INPP4B: variants seen among roughly 807,000 people sequenced by gnomAD.
INPP4B encodes inositol polyphosphate 4-phosphatase type II.
In INPP4B, 55 loss-of-function variants were observed where a neutral mutation model predicts 122.5. That is an observed-to-expected ratio of 0.45 (90% CI 0.36 to 0.56). The LOEUF (loss-of-function observed/expected upper bound fraction) is 0.56. Ranked by LOEUF, INPP4B falls within the 20% of genes least tolerant of loss-of-function variation. The pLI is 0.00. For missense variants in INPP4B, 1,000 were observed against 1,097.7 expected, an observed-to-expected ratio of 0.91 and a Z score of 1.26; for synonymous variants, 403 against 388.7, an observed-to-expected ratio of 1.04 and a Z score of -0.43.
intron 25 of INPP4B, among the ~76,000 whole-genome samples, chr4:142,067,067 C>G (rs928345466): frequency 6.6e-6 from 1 of 152,188 alleles, no homozygotes; most frequent in Non-Finnish European, 1.5e-5. Context: ...CTGGGAGACA[C>G]CTCCCAGTAG....
intron 2 of INPP4B, among the ~76,000 whole-genome samples, chr4:142,483,119 G>A (rs1003580899): frequency 7.1e-6 from 1 of 140,470 alleles, no homozygotes; most frequent in African/African-American, 2.7e-5. Flanking sequence ...TGTCCCCAGT[G>A]ATACAAAAAT....
chr4:142,796,867 GAT>G (rs199741935), intron 1 of INPP4B, among the ~76,000 whole-genome samples: 37,016 of 128,710 alleles, frequency 0.29, 4,941 homozygotes, highest in South Asian at 0.4. Flanking sequence ...GCGGAAAACA[GAT>G]GTGTGTGTGT....
At chr4:142,364,265 T>A (rs1361551713) in intron 7 of INPP4B, among the ~76,000 whole-genome samples, 1 of 152,032 alleles carries the variant, frequency 6.6e-6, no homozygotes, top group Admixed American at 6.6e-5. Flanking sequence ...CAGAGCTTTC[T>A]AAGACAGCTG....
chr4:142,288,733 C>T (rs1479095583), intron 9 of INPP4B, among the ~76,000 whole-genome samples: 1 of 152,022 alleles, frequency 6.6e-6, no homozygotes, highest in Non-Finnish European at 1.5e-5. Context: ...TGAAACATAA[C>T]AGCGATATAG....
At chr4:142,127,404 AT>A (rs1170450732) in intron 18 of INPP4B, among the ~76,000 whole-genome samples, 12 of 152,098 alleles carry the variant, frequency 7.9e-5, no homozygotes, top group African/African-American at 2.7e-4. Context: ...TAGTTGCTTT[AT>A]TCACTTCCAT....
chr4:142,224,172 A>C (rs944781592), intron 12 of INPP4B, among the ~76,000 whole-genome samples: 1 of 152,202 alleles, frequency 6.6e-6, no homozygotes, highest in Non-Finnish European at 1.5e-5. Context: ...GGCCAAGTGA[A>C]GGGGAACCCT....
At chr4:142,314,670 G>T (rs966935774) in intron 8 of INPP4B, 42 bp downstream of exon 8, 1 of 1,566,684 alleles carries the variant, frequency 6.4e-7, no homozygotes, top group Non-Finnish European at 8.7e-7. Context: ...GATTAATTTA[G>T]AAGTGATGTG....
At chr4:142,706,014 T>C (rs1357149058) in intron 2 of INPP4B, among the ~76,000 whole-genome samples, 1 of 152,216 alleles carries the variant, frequency 6.6e-6, no homozygotes, top group Non-Finnish European at 1.5e-5. Context: ...CACCAGCTCC[T>C]TCATGGCCTG....
intron 2 of INPP4B, among the ~76,000 whole-genome samples, chr4:142,614,716 A>G (rs895360083): frequency 7.2e-4 from 109 of 152,292 alleles, no homozygotes; most frequent in African/African-American, 2.5e-3. Flanking sequence ...ACCACATTAA[A>G]AAGTAGACAA....
chr4:142,164,164 A>G (rs192334400), intron 16 of INPP4B, among the ~76,000 whole-genome samples: 32 of 152,010 alleles, frequency 2.1e-4, no homozygotes, highest in African/African-American at 7.0e-4. Flanking sequence ...CAAGTATAAA[A>G]CTACTAAAAA....
At chr4:142,152,061 C>A (rs1331011936) in intron 17 of INPP4B, among the ~76,000 whole-genome samples, 11 of 98,950 alleles carry the variant, frequency 1.1e-4, no homozygotes, top group African/African-American at 3.8e-4. Flanking sequence ...GCTTTTTTGT[C>A]TTTTCTTTTT....
intron 14 of INPP4B, among the ~76,000 whole-genome samples, chr4:142,206,790 C>T (rs576784174): frequency 1.2e-4 from 18 of 152,098 alleles, no homozygotes; most frequent in Admixed American, 3.3e-4. Context: ...TTATTATTAA[C>T]GTGTATGTGT....
chr4:142,082,062 A>T lies in INPP4B; in HGVS notation c.2611T>A (p.Phe871Ile). Residue 871 changes from phenylalanine (F) to isoleucine (I), a missense_variant, in exon 25 of 26, where the codon TTC becomes ATC. Transcript: ENST00000262992. ...LRDEHQLHKDFFIRALDCMRR... is the reference protein window; with the variant it reads ...LRDEHQLHKDIFIRALDCMRR... Reference sequence around the variant, plus strand: ...ATGCAATCCAGCGCTCGGATAAAGAAGTCCTTGTGTAACTGGTGCTCATCT... The same window carrying T: ...ATGCAATCCAGCGCTCGGATAAAGATGTCCTTGTGTAACTGGTGCTCATCT... 6.8e-7 allele frequency: 1 copy of T among 1,474,726 alleles called. No individual in the cohort carries two copies. Among genetic ancestry groups the T allele is most frequent in the Non-Finnish European group, 9.2e-7 (1 of 1,087,906 alleles). 91.4% of individuals were successfully genotyped at this position (1,474,726 alleles called of 1,614,324 possible).
At chr4:142,846,486 C>T (rs1392335418), upstream of INPP4B, among the ~76,000 whole-genome samples, 1 of 152,052 alleles carries the variant, frequency 6.6e-6, no homozygotes, top group African/African-American at 2.4e-5. This position sits in a 1 kb window ranked among gnomAD's most constrained non-coding sequence, Gnocchi z 5.1. Context: ...GCCTACCAGC[C>T]CCGCGCGCGC....
intron 25 of INPP4B, among the ~76,000 whole-genome samples, chr4:142,047,316 A>G (rs561146772): frequency 6.6e-6 from 1 of 152,274 alleles, no homozygotes; most frequent in Admixed American, 6.5e-5. Context: ...TTTGTTGCAC[A>G]TCAGTCAGAA....
intron 2 of INPP4B, among the ~76,000 whole-genome samples, chr4:142,690,993 G>A (rs962274075): frequency 2.0e-5 from 3 of 152,050 alleles, no homozygotes; most frequent in Non-Finnish European, 4.4e-5. Context: ...ATAATGCTGA[G>A]TGCACATAAA....
chr4:142,607,154 T>C (rs1373718746), intron 2 of INPP4B, among the ~76,000 whole-genome samples: 2 of 152,004 alleles, frequency 1.3e-5, no homozygotes, highest in Non-Finnish European at 2.9e-5. Context: ...CTCATATCTT[T>C]CAACAAAAAA....
chr4:142,788,893 G>A (rs968287877), intron 1 of INPP4B, among the ~76,000 whole-genome samples: 1 of 152,062 alleles, frequency 6.6e-6, no homozygotes, highest in South Asian at 2.1e-4. Context: ...CCATGATCAA[G>A]TGGGTTTTAT....
intron 11 of INPP4B, among the ~76,000 whole-genome samples, chr4:142,241,958 T>G (rs1325452430): frequency 6.6e-6 from 1 of 152,230 alleles, no homozygotes; most frequent in East Asian, 1.9e-4. Context: ...CCAACTTGAT[T>G]GGCTTCAGGC....
Sources: allele counts gnomAD v4.1 joint callset (sites outside exome capture counted in the v4.1 genomes callset), GRCh38; gene constraint gnomAD v4.1.1; non-coding constraint Gnocchi (gnomAD v3.1); transcripts MANE v1.5; gene names NCBI Gene and HGNC (gene_info 2026-07-23, HGNC 2026-07-21).